Variants in TYW1B observed in about 807,000 individuals in gnomAD.
The protein encoded by TYW1B is tRNA-yW synthesizing protein 1 homolog B, also known as S-adenosyl-L-methionine-dependent tRNA 4-demethylwyosine synthase TYW1B.
TYW1B carries 73 observed loss-of-function variants against 86.9 expected under a neutral mutation model. That is an observed-to-expected ratio of 0.84 (90% CI 0.70 to 1.02). TYW1B has a LOEUF of 1.02. Ranked by LOEUF, TYW1B falls within the 50% of genes least tolerant of loss-of-function variation. TYW1B has a pLI of 0.00. For missense variants in TYW1B, 637 were observed against 827.4 expected (o/e 0.77, Z 2.82); for synonymous variants, 248 against 292.8 (o/e 0.85, Z 1.56).
At chr7:72,579,769 G>C (rs1554429342) in intron 13 of TYW1B, among the ~76,000 whole-genome samples, 1 of 152,078 alleles carries the variant, frequency 6.6e-6, no homozygotes, top group African/African-American at 2.4e-5. Context: ...TCCCACCTCA[G>C]CCTCCTGCGT....
At chr7:72,577,219 A>T (rs868993451) in intron 13 of TYW1B, among the ~76,000 whole-genome samples, 1 of 152,034 alleles carries the variant, frequency 6.6e-6, no homozygotes, top group Non-Finnish European at 1.5e-5. Context: ...AAGAAAATAC[A>T]TAGGTTCCTG....
At chr7:72,717,675 A>ACT (rs1786817335) in intron 9 of TYW1B, among the ~76,000 whole-genome samples, 1 of 150,058 alleles carries the variant, frequency 6.7e-6, no homozygotes, top group Non-Finnish European at 1.5e-5. Context: ...ACACACACAC[A>ACT]CACTCTAATT....
intron 7 of TYW1B, among the ~76,000 whole-genome samples, chr7:72,773,892 C>G (rs1334900030): frequency 2.6e-5 from 4 of 151,898 alleles, no homozygotes; most frequent in Admixed American, 6.6e-5. Flanking sequence ...TGGTGAAACC[C>G]TGTCTCTACT....
intron 7 of TYW1B, among the ~76,000 whole-genome samples, chr7:72,760,309 T>G (rs1337047525): frequency 1.3e-5 from 2 of 152,198 alleles, no homozygotes; most frequent in East Asian, 3.8e-4. Context: ...TCAAAGTGCA[T>G]GAAAACTGCT....
At chr7:72,692,865 C>T (rs1814206580) in intron 11 of TYW1B, among the ~76,000 whole-genome samples, 1 of 152,028 alleles carries the variant, frequency 6.6e-6, no homozygotes, top group Non-Finnish European at 1.5e-5. Context: ...GAAATGGCAA[C>T]GTAAGCAGGG....
At chr7:72,590,691 CA>C (rs1563021173) in intron 13 of TYW1B, among the ~76,000 whole-genome samples, 1 of 152,126 alleles carries the variant, frequency 6.6e-6, no homozygotes, top group Non-Finnish European at 1.5e-5. Flanking sequence ...CAAAGCAAAA[CA>C]AAACTCCAGA....
chr7:72,739,467 A>G (rs1252607366), intron 8 of TYW1B, among the ~76,000 whole-genome samples: 3 of 151,940 alleles, frequency 2.0e-5, no homozygotes, highest in East Asian at 1.9e-4. Flanking sequence ...TTAGCAGGGC[A>G]TGGTGGCACG....
At chr7:72,632,388 GTATATATATATAATATATATATA>G (rs1178216391) in intron 11 of TYW1B, among the ~76,000 whole-genome samples, 1 of 70,328 alleles carries the variant, frequency 1.4e-5, no homozygotes, top group African/African-American at 8.1e-5. Flanking sequence ...ATATATATAC[GTATATATATATAATATATATATA>G]CATATATATA....
At chr7:72,655,559 G>A (rs1196180909) in intron 11 of TYW1B, among the ~76,000 whole-genome samples, 5 of 152,116 alleles carry the variant, frequency 3.3e-5, no homozygotes, top group African/African-American at 1.2e-4. Flanking sequence ...ACCCAGTGAT[G>A]TGGCCAGGTC....
At chr7:72,792,723 A>T (rs1489337102) in intron 6 of TYW1B, among the ~76,000 whole-genome samples, 1 of 152,238 alleles carries the variant, frequency 6.6e-6, no homozygotes, top group Non-Finnish European at 1.5e-5. Context: ...TTAATGAACA[A>T]GAGCCAAATA....
chr7:72,827,192 G>A (rs1399069896), intron 1 of TYW1B, among the ~76,000 whole-genome samples: 2 of 152,156 alleles, frequency 1.3e-5, no homozygotes, highest in Non-Finnish European at 2.9e-5. Flanking sequence ...CAGATCACCT[G>A]AGGTCAGGAG....
At chr7:72,593,020 T>C (rs1416669512) in intron 13 of TYW1B, among the ~76,000 whole-genome samples, 2 of 152,086 alleles carry the variant, frequency 1.3e-5, no homozygotes, top group African/African-American at 4.8e-5. Context: ...ATAAAGCACT[T>C]GGATGGGCAC....
intron 3 of TYW1B, among the ~76,000 whole-genome samples, chr7:72,812,571 C>G (rs1179118902): frequency 6.6e-6 from 1 of 152,080 alleles, no homozygotes; most frequent in Non-Finnish European, 1.5e-5. Context: ...TTCAAGCTCA[C>G]TCATGTGCAC....
chr7:72,637,907 C>T (rs1563041089), intron 11 of TYW1B, among the ~76,000 whole-genome samples: 1 of 151,250 alleles, frequency 6.6e-6, no homozygotes, highest in Non-Finnish European at 1.5e-5. Context: ...ATGGTTTGTG[C>T]TCTCATTTCT....
At chr7:72,730,400 C>T (rs1440404560) in intron 8 of TYW1B, among the ~76,000 whole-genome samples, 1 of 148,618 alleles carries the variant, frequency 6.7e-6, no homozygotes, top group Non-Finnish European at 1.5e-5. Flanking sequence ...AAGAGCCAAA[C>T]AGAAAACTTG....
intron 7 of TYW1B, chr7:72,769,177 C>T (rs1787825385): frequency 4.7e-6 from 2 of 421,876 alleles, no homozygotes; most frequent in Admixed American, 7.6e-5. Context: ...ACTGTGTTAC[C>T]ATGCCATTTT....
intron 10 of TYW1B, among the ~76,000 whole-genome samples, chr7:72,713,127 C>T (rs1448465867): frequency 2.3e-5 from 3 of 129,370 alleles, no homozygotes; most frequent in African/African-American, 7.9e-5. Flanking sequence ...GGTGAAAGCC[C>T]ATCTCTATTA....
chr7:72,614,134 T>G (rs1256578729), intron 13 of TYW1B, among the ~76,000 whole-genome samples: 2 of 152,136 alleles, frequency 1.3e-5, no homozygotes, highest in African/African-American at 2.4e-5. Context: ...TCTGTGTCCT[T>G]TGTTCTATTT....
At chr7:72,613,401 CT>C (rs71517349) in intron 13 of TYW1B, among the ~76,000 whole-genome samples, 1,744 of 80,914 alleles carry the variant, frequency 0.022, 8 homozygotes, top group African/African-American at 0.066. Flanking sequence ...TTTATATCTT[CT>C]TTTTTTTTTT....
Sources: gnomAD v4.1 joint callset for allele counts (sites outside exome capture counted in the v4.1 genomes callset) on GRCh38, gnomAD v4.1.1 for gene constraint, MANE v1.5 for transcripts, NCBI Gene and HGNC (gene_info 2026-07-23, HGNC 2026-07-21) for gene names.